The following DEPDC7 variants were observed in gnomAD, a reference collection of about 807,000 sequenced individuals.
DEPDC7 encodes the protein DEP domain containing 7.
Under a neutral mutation model 56.6 loss-of-function variants are expected in DEPDC7, and 41 were observed. That is an observed-to-expected ratio of 0.72 (90% CI 0.56 to 0.94). The LOEUF is 0.94. Ranked by LOEUF, DEPDC7 falls within the 40% of genes least tolerant of loss-of-function variation. The pLI, the probability that DEPDC7 is intolerant of heterozygous loss-of-function variation, is 0.00. For synonymous variants in DEPDC7, 185 were observed against 208.8 expected (o/e 0.89, Z 0.98); for missense variants, 522 against 596.3 (o/e 0.88, Z 1.30).
Position 33,028,908 on chromosome 11 carries a change from A to G in DEPDC7, c.782+116A>G, listed in dbSNP as rs555696443. The G allele has an allele frequency of 6.4e-5, 40 of 628,150 alleles. No homozygotes were observed. In the East Asian group the frequency reaches 1.1e-3, roughly 17 times the overall value. The allele number at this position is 628,150 out of a possible 1,614,324, so 38.9% of individuals were successfully genotyped here. On this transcript the variant is annotated intron_variant, in intron 4 of 8. Transcript: ENST00000241051. ...AGGATCAGATATGCATTGTTAGTTG[A>G]TATTATCAGTATTTGAGAATGTGAA...
chr11:33,031,453 A>C lies in DEPDC7; in HGVS notation c.858A>C (p.Arg286Ser), dbSNP rs1853632041. ...LPDQMVVEIS[R>S]SFPEQPDRTD... ...ACCAAATGGTGGTGGAAATAAGCAG[A>C]AGCTTTCCTGAGCAACCAGACCGAA... Residue 286 changes from arginine (R) to serine (S), a missense_variant, in exon 5 of 9, where the codon AGA becomes AGC. Arg to Ser is a moderately radical substitution (Grantham distance 110). Coordinates refer to ENST00000241051, the MANE Select transcript of DEPDC7 (RefSeq NM_001077242.2). The C allele has an allele frequency of 1.2e-6, 2 of 1,614,226 alleles. No individual in the cohort carries two copies. Among genetic ancestry groups the C allele is most frequent in the Non-Finnish European group, 1.7e-6 (2 of 1,180,042 alleles).
intron 1 of DEPDC7, chr11:33,016,560 C>T: frequency 1.2e-6 from 2 of 1,614,152 alleles, no homozygotes; most frequent in Non-Finnish European, 1.7e-6. Flanking sequence ...TATGTGAGTT[C>T]TACTGGCAGG....
chr11:33,021,195 G>A (rs1364927028), intron 1 of DEPDC7, among the ~76,000 whole-genome samples: 4 of 150,260 alleles, frequency 2.7e-5, no homozygotes, highest in Non-Finnish European at 5.9e-5. Flanking sequence ...AGGTTGCAGT[G>A]AGCCAAGATC....
chr11:33,026,240 T>C, intron 2 of DEPDC7, 191 bp downstream of exon 2: 1 of 625,146 alleles, frequency 1.6e-6, no homozygotes, highest in Non-Finnish European at 2.8e-6. Flanking sequence ...ATATTTTATA[T>C]TTAGCAGAAG....
chr11:33,020,261 T>C (rs1853509778), intron 1 of DEPDC7, among the ~76,000 whole-genome samples: 1 of 152,224 alleles, frequency 6.6e-6, no homozygotes, highest in East Asian at 1.9e-4. Flanking sequence ...TTATTACTGG[T>C]ACTACACGTA....
chr11:33,019,387 G>A (rs569507166), intron 1 of DEPDC7, among the ~76,000 whole-genome samples: 1 of 152,040 alleles, frequency 6.6e-6, no homozygotes, highest in South Asian at 2.1e-4. Context: ...TTTTATGAAC[G>A]GGGTGTAGTG....
intron 2 of DEPDC7, 131 bp downstream of exon 2, chr11:33,026,180 T>C (rs769070608): frequency 1.4e-5 from 14 of 994,084 alleles, no homozygotes; most frequent in Non-Finnish European, 2.1e-5. Flanking sequence ...GTGGGTAAAT[T>C]TGATAAAGTG....
At chr11:33,021,222 G>A (rs918453298) in intron 1 of DEPDC7, among the ~76,000 whole-genome samples, 5 of 150,192 alleles carry the variant, frequency 3.3e-5, no homozygotes, top group Admixed American at 1.3e-4. Context: ...CTGCACTCCA[G>A]CCTGGCGACA....
chr11:33,025,424 A>G (rs867836227), intron 1 of DEPDC7, among the ~76,000 whole-genome samples: 1 of 152,244 alleles, frequency 6.6e-6, no homozygotes, highest in African/African-American at 2.4e-5. Context: ...TCCTGAGAAC[A>G]GGAATCTTAT....
chr11:33,018,860 G>T (rs1853493679), intron 1 of DEPDC7, among the ~76,000 whole-genome samples: 1 of 152,164 alleles, frequency 6.6e-6, no homozygotes, highest in Non-Finnish European at 1.5e-5. Context: ...CTTCTAGACT[G>T]TGACAGTTTG....
At chr11:33,019,041 C>G (rs1407252320) in intron 1 of DEPDC7, among the ~76,000 whole-genome samples, 1 of 152,148 alleles carries the variant, frequency 6.6e-6, no homozygotes, top group East Asian at 1.9e-4. Context: ...ATGATGGACC[C>G]AACAACGGAA....
At position 33,032,702 on chromosome 11, in the gene DEPDC7, C is replaced by T; in HGVS notation, c.1172C>T (p.Ser391Leu). 6.2e-7 allele frequency: 1 copy of T among 1,602,718 alleles called. No individual in the cohort carries two copies. Among genetic ancestry groups the T allele is most frequent in the South Asian group, 1.1e-5 (1 of 88,988 alleles). ...DNRMVVKRIF[S>L]KAIVDNKNLS... ...CGAATGGTTGTGAAAAGGATATTCT[C>T]AAAAGCTATTGTTGACAATAAAAAT... is the stretch of plus-strand genomic sequence containing the variant. Residue 391 changes from serine to leucine, a missense_variant, in exon 7 of 9, where the codon TCA becomes TTA. Transcript: ENST00000241051.
At chr11:33,016,389 T>A (rs1853461698) in intron 1 of DEPDC7, 2 of 1,475,824 alleles carry the variant, frequency 1.4e-6, no homozygotes, top group Non-Finnish European at 1.8e-6. Flanking sequence ...GTGTGGTATC[T>A]GGAATTTGTG....
intron 1 of DEPDC7, among the ~76,000 whole-genome samples, chr11:33,021,013 C>T (rs1853518007): frequency 6.6e-6 from 1 of 152,006 alleles, no homozygotes; most frequent in South Asian, 2.1e-4. Flanking sequence ...CTTTGGGAGG[C>T]CGAGGTGGGT....
At chr11:33,027,570 A>G (rs1329683999) in intron 2 of DEPDC7, 116 bp from the exon 3 acceptor site, 1 of 861,306 alleles carries the variant, frequency 1.2e-6, no homozygotes, top group East Asian at 3.1e-5. Context: ...TAGAATTTGG[A>G]TTTGTTGTGT....
rs1391295150 is a variant in DEPDC7, at chr11:33,017,173, C to T, written c.73+1145C>T. ...TTAGTCTGCTTCCATGTAAAGGATT[C>T]AGGTAAGCACATAGTGGCCACATTG... On this transcript the variant is annotated intron_variant, in intron 1 of 8. Transcript: ENST00000241051. Among the ~76,000 whole-genome samples the T allele has an allele frequency of 2.6e-5, 4 of 152,290 alleles. No individual in the cohort carries two copies. In the South Asian group the frequency reaches 8.3e-4, roughly 32 times the overall value.
In DEPDC7 at chr11:33,033,368, A is replaced by G. The variant is rs896678459; in HGVS notation, c.1449A>G (p.Ser483=). 2 of 1,612,044 alleles carry G rather than the reference A, an allele frequency of 1.2e-6. No individual in the cohort carries two copies. The highest frequency in any genetic ancestry group is 1.7e-6 in the Non-Finnish European group (2 of 1,179,298). The part of the protein sequence containing the change: ...LNLLKTLDED[S]KLSAKEKKKL... Reference sequence around the variant, plus strand: ...TACTAAAAACTCTTGATGAGGATTCAAAACTTTCTGCCAAAGAGAAGAAAA... The same window carrying G: ...TACTAAAAACTCTTGATGAGGATTCGAAACTTTCTGCCAAAGAGAAGAAAA... Residue 483 remains serine, a synonymous_variant, in exon 9 of 9, where the codon TCA becomes TCG. Transcript: ENST00000241051.
At chr11:33,030,370 C>T (rs759084892) in intron 4 of DEPDC7, among the ~76,000 whole-genome samples, 6 of 152,124 alleles carry the variant, frequency 3.9e-5, no homozygotes, top group Non-Finnish European at 8.8e-5. Flanking sequence ...AATGACCTGC[C>T]TGAGATACCT....
chr11:33,032,654 T>C lies in DEPDC7; in HGVS notation c.1138-14T>C. On this transcript the variant is annotated splice_polypyrimidine_tract_variant and intron_variant, in intron 6 of 8. Coordinates refer to ENST00000241051, the MANE Select transcript of DEPDC7 (RefSeq NM_001077242.2). ...AAATATATACTATTGGATATATTTG[T>C]TTTATTTTTATAGAGTGACAACCGA... The C allele has an allele frequency of 6.5e-7, 1 of 1,533,782 alleles. No individual in the cohort carries two copies. The highest frequency in any genetic ancestry group is 8.8e-7 in the Non-Finnish European group (1 of 1,133,244).
Sources: gnomAD v4.1 joint callset for allele counts (sites outside exome capture counted in the v4.1 genomes callset) on GRCh38, gnomAD v4.1.1 for gene constraint, MANE v1.5 for transcripts, NCBI Gene and HGNC (gene_info 2026-07-23, HGNC 2026-07-21) for gene names.